MGAT5B: variants seen among roughly 807,000 people sequenced by gnomAD.
MGAT5B encodes the protein N-acetylglucosaminyl-transferase Vb.
A neutral mutation model predicts 95.1 loss-of-function variants in MGAT5B; 54 were observed. The observed-to-expected ratio is 0.57, with a 90% confidence interval of 0.46 to 0.71. The LOEUF (loss-of-function observed/expected upper bound fraction) is 0.71, where lower values mean the gene tolerates loss of function less well. Ranked by LOEUF, MGAT5B falls within the 30% of genes least tolerant of loss-of-function variation. The pLI, the probability that MGAT5B is intolerant of heterozygous loss-of-function variation, is 0.00. For synonymous variants in MGAT5B, 464 were observed against 451.0 expected (o/e 1.03, Z -0.36); for missense variants, 935 against 1,088.6 (o/e 0.86, Z 1.99).
rs1966904948 is a variant in MGAT5B at position 76,869,245 on chromosome 17, G to C, written c.68+148G>C. ...TGATGACCAGTGGGGCTGGGCTGGG[G>C]GAACGGATGGCGTTGGGGTTCGGGG... On this transcript the variant is annotated intron_variant, in intron 1 of 17. Transcript: ENST00000569840. The surrounding 1 kb of genome is among the most constrained non-coding windows in gnomAD (Gnocchi z 7.0). The C allele has an allele frequency of 1.4e-6, 1 of 713,290 alleles. No homozygotes were observed. Among genetic ancestry groups the C allele is most frequent in the Middle Eastern group, 2.5e-4 (1 of 4,016 alleles). The allele number at this position is 713,290 out of a possible 1,614,324, so 44.2% of individuals were successfully genotyped here. A position where few individuals can be genotyped will look rare whatever the true frequency, so the allele number is the denominator to read the frequency against.
rs1490078669 is a variant in MGAT5B, at chr17:76,869,799, CG to C, written c.68+705del. On this transcript the variant is annotated intron_variant, in intron 1 of 17. Transcript: ENST00000569840. This position sits in a 1 kb window ranked among gnomAD's most constrained non-coding sequence, Gnocchi z 7.0. ...GGGCGGTGGCGAAGGCGACACGCTT[CG>C]GGCGGCCAACACCTGGGGGCCCAGG... Among the ~76,000 whole-genome samples, 1 of 152,126 alleles carries C rather than the reference CG, an allele frequency of 6.6e-6. No homozygotes were observed. Among genetic ancestry groups the C allele is most frequent in the Admixed American group, 6.5e-5 (1 of 15,284 alleles).
rs114965894 is a variant in MGAT5B at position 76,916,266 on chromosome 17, C to T, written c.1026-8700C>T. On this transcript the variant is annotated intron_variant, in intron 8 of 17. Transcript: ENST00000569840. This position sits in a 1 kb window ranked among gnomAD's most constrained non-coding sequence, Gnocchi z 5.3. ...GCCTCGCCTCCCCTCATGCTCCACG[C>T]GCTGCGCTGGCGTCACAGGGAGTCT... Among the ~76,000 whole-genome samples the T allele has an allele frequency of 5.4e-3, 818 of 152,086 alleles. 9 individuals carry two copies. The highest frequency in any genetic ancestry group is 0.019 in the African/African-American group (770 of 41,350).
intron 15 of MGAT5B, chr17:76,944,127 GCACCTGT>G (rs1196442102): frequency 6.6e-6 from 1 of 152,306 alleles, no homozygotes; most frequent in Admixed American, 6.5e-5. Context: ...GGCAGGATCA[GCACCTGT>G]CACTCTGTCG....
At position 76,926,639 on chromosome 17, in the gene MGAT5B, G is replaced by T. The variant is rs375661202; in HGVS notation, c.1200G>T (p.Ala400=). ...RVIDTFGTEP[A]YNHEEYATLH... is the part of the protein sequence containing the mutation. ...TCGACACCTTCGGGACGGAACCTGC[G>T]TACAACCACGAGGAGTACGCCACGC... The change falls in exon 10 of 18, where the codon GCG becomes GCT. Residue 400 remains alanine (A), a synonymous_variant. Coordinates refer to ENST00000569840, the MANE Select transcript of MGAT5B (RefSeq NM_001199172.2). The T allele has an allele frequency of 2.5e-6, 4 of 1,612,488 alleles. No homozygotes were observed. Among genetic ancestry groups the T allele is most frequent in the African/African-American group, 1.3e-5 (1 of 74,896 alleles).
At chr17:76,933,524 A>G (rs1444277808) in intron 12 of MGAT5B, among the ~76,000 whole-genome samples, 1 of 152,122 alleles carries the variant, frequency 6.6e-6, no homozygotes, top group African/African-American at 2.4e-5. Context: ...TGGGAGGTCA[A>G]GGTCCTGCTT....
At chr17:76,925,819 G>A (rs1969295349) in intron 9 of MGAT5B, among the ~76,000 whole-genome samples, 1 of 152,224 alleles carries the variant, frequency 6.6e-6, no homozygotes, top group Non-Finnish European at 1.5e-5. Flanking sequence ...GCTCCTTGCA[G>A]GGCCTCTGAG....
chr17:76,901,288 C>G (rs1375835841), intron 3 of MGAT5B, among the ~76,000 whole-genome samples: 1 of 152,004 alleles, frequency 6.6e-6, no homozygotes, highest in African/African-American at 2.4e-5. Context: ...TCATCGAATT[C>G]CCATTATGTG....
intron 8 of MGAT5B, chr17:76,913,785 G>A (rs1267247330): frequency 2.1e-6 from 1 of 465,310 alleles, no homozygotes; most frequent in Non-Finnish European, 4.3e-6. Flanking sequence ...GAAAAGCCAA[G>A]TAAGAAGGAG....
chr17:76,881,598 G>A (rs1400205850), intron 2 of MGAT5B, among the ~76,000 whole-genome samples: 1 of 152,180 alleles, frequency 6.6e-6, no homozygotes, highest in Admixed American at 6.5e-5. Flanking sequence ...CCGGGCCCCG[G>A]GTCCTAGAGA....
At chr17:76,928,702 C>T (rs184966406) in intron 10 of MGAT5B, among the ~76,000 whole-genome samples, 1 of 151,284 alleles carries the variant, frequency 6.6e-6, no homozygotes, top group Admixed American at 6.6e-5. Flanking sequence ...AAGATTCTGT[C>T]TTGGGGGAAA....
chr17:76,948,095 T>TCCCC lies in MGAT5B; in HGVS notation c.2180+11_2180+14dup, dbSNP rs747839456. ...CAGGACGCCTTCCTCAAGTGAGTGTTCCCCCACCCTCCCCACCCAGCCGCT... is the reference window on the plus strand; with the variant it reads ...CAGGACGCCTTCCTCAAGTGAGTGTTCCCCCCCCCACCCTCCCCACCCAGCCGCT... On this transcript the variant is annotated intron_variant, in intron 17 of 17. Coordinates refer to ENST00000569840, the MANE Select transcript of MGAT5B (RefSeq NM_001199172.2). The TCCCC allele has an allele frequency of 1.3e-5, 20 of 1,561,832 alleles. No homozygotes were observed. The highest frequency in any genetic ancestry group is 1.7e-5 in the Non-Finnish European group (20 of 1,150,434).
intron 8 of MGAT5B, among the ~76,000 whole-genome samples, chr17:76,922,867 G>C (rs897046021): frequency 3.9e-5 from 6 of 152,212 alleles, no homozygotes; most frequent in African/African-American, 1.2e-4. Context: ...ACACTTAGCA[G>C]CAAAGGTTCT....
At chr17:76,882,626 A>C in intron 3 of MGAT5B, 1 of 227,440 alleles carries the variant, frequency 4.4e-6, no homozygotes, top group Non-Finnish European at 8.5e-6. Context: ...TGTTTAACAC[A>C]CACACATTAT....
At chr17:76,875,885 G>A (rs1038582592) in intron 2 of MGAT5B, among the ~76,000 whole-genome samples, 1 of 151,898 alleles carries the variant, frequency 6.6e-6, no homozygotes, top group African/African-American at 2.4e-5. Flanking sequence ...TTAGTTCTCA[G>A]ACCAAGTTTA....
chr17:76,923,194 C>G (rs1969176638), intron 8 of MGAT5B, among the ~76,000 whole-genome samples: 1 of 152,196 alleles, frequency 6.6e-6, no homozygotes, highest in Admixed American at 6.5e-5. Context: ...CAGGCCGGTA[C>G]TTTTCCACCT....
chr17:76,947,830 G>A lies in MGAT5B; in HGVS notation c.1924G>A (p.Asp642Asn). 1 of 1,549,516 alleles carries A rather than the reference G, an allele frequency of 6.5e-7. No individual in the cohort carries two copies. The highest frequency in any genetic ancestry group is 8.7e-7 in the Non-Finnish European group (1 of 1,144,894). Residue 642 changes from aspartate (D) to asparagine (N), a missense_variant and splice_region_variant, in exon 17 of 18, where the codon GAC (aspartate) becomes AAC (asparagine). Physicochemically the swap from Asp to Asn is conservative, Grantham distance 23 (BLOSUM62 1). Coordinates refer to ENST00000569840, the MANE Select transcript of MGAT5B (RefSeq NM_001199172.2). ...CCTGACACTGCTCTCCTCCTTGCAG[G>A]ACTTCTGCAGAGCTCCAGACCCTGC... Reference protein sequence around the residue: ...ERIHAYIQHQDFCRAPDPALP... With the variant: ...ERIHAYIQHQNFCRAPDPALP...
intron 10 of MGAT5B, among the ~76,000 whole-genome samples, chr17:76,927,477 C>T (rs1458380938): frequency 4.6e-5 from 7 of 152,126 alleles, no homozygotes; most frequent in East Asian, 1.9e-4. Context: ...TGGGCTCAAG[C>T]GATCCACCCA....
In MGAT5B at chr17:76,948,774, G is replaced by A. The variant is rs758507674; in HGVS notation, c.2315G>A (p.Arg772His). Residue 772 changes from arginine (R) to histidine (H), a missense_variant, in exon 18 of 18, where the codon CGC (arginine) becomes CAC (histidine). By Grantham distance (29) the Arg-to-His change is conservative. This residue lies in a region of MGAT5B where 440 missense variants were observed against 523.6 expected (regional missense o/e 0.84). Coordinates refer to ENST00000569840, the MANE Select transcript of MGAT5B (RefSeq NM_001199172.2). ...FSCAGSNTKYRRLCPCRDFRK... is the reference protein window; with the variant it reads ...FSCAGSNTKYHRLCPCRDFRK... ...TGCGCCGGCTCCAACACCAAGTACC[G>A]CCGGCTCTGCCCCTGCCGCGACTTC... 2.1e-5 allele frequency: 34 copies of A among 1,609,070 alleles called. No homozygotes were observed. Among genetic ancestry groups the A allele is most frequent in the Admixed American group, 5.0e-5 (3 of 59,502 alleles).
At chr17:76,941,362 G>A (rs1422658131) in intron 15 of MGAT5B, among the ~76,000 whole-genome samples, 3 of 152,260 alleles carry the variant, frequency 2.0e-5, no homozygotes, top group Non-Finnish European at 4.4e-5. Flanking sequence ...AGGTGCACAT[G>A]TGTGGGCTGG....
Sources: gnomAD v4.1 joint callset for allele counts (sites outside exome capture counted in the v4.1 genomes callset) on GRCh38, gnomAD v4.1.1 for gene constraint, gnomAD v4.1.1 regional missense constraint, Gnocchi (gnomAD v3.1) non-coding constraint, MANE v1.5 for transcripts, NCBI Gene and HGNC (gene_info 2026-07-23, HGNC 2026-07-21) for gene names.